Variants in DIP2A observed in about 807,000 individuals in gnomAD.
DIP2A encodes the protein disco-interacting protein 2 homolog A.
Under a neutral mutation model 177.4 loss-of-function variants are expected in DIP2A, and 85 were observed. The ratio of observed to expected loss-of-function variants is 0.48; its 90% CI spans 0.40 to 0.57. DIP2A has a LOEUF of 0.57. DIP2A is among the 20% of genes least tolerant of loss of function. DIP2A has a pLI of 0.00. For synonymous variants in DIP2A, 886 were observed against 881.8 expected (o/e 1.00, Z -0.08); for missense variants, 1,791 against 2,100.2 (o/e 0.85, Z 2.88).
intron 5 of DIP2A, among the ~76,000 whole-genome samples, chr21:46,501,560 T>C (rs2057652139): frequency 6.6e-6 from 1 of 152,174 alleles, no homozygotes; most frequent in African/African-American, 2.4e-5. Flanking sequence ...GCTGGGACTA[T>C]AGGCAAATGC....
chr21:46,523,393 ATTTTTTTT>A (rs61370008), intron 8 of DIP2A, among the ~76,000 whole-genome samples: 13 of 89,892 alleles, frequency 1.4e-4, no homozygotes, highest in Admixed American at 6.1e-4. Flanking sequence ...CGCCTGGCTA[ATTTTTTTT>A]TTTTTTTTTT....
intron 13 of DIP2A, among the ~76,000 whole-genome samples, chr21:46,535,953 C>G (rs530852424): frequency 6.6e-6 from 1 of 152,220 alleles, no homozygotes; most frequent in Admixed American, 6.5e-5. Context: ...GAGTGGGGAA[C>G]CACCAGCTTG....
intron 17 of DIP2A, among the ~76,000 whole-genome samples, chr21:46,541,168 G>A (rs1358010349): frequency 2.6e-5 from 4 of 152,032 alleles, no homozygotes; most frequent in Non-Finnish European, 4.4e-5. Flanking sequence ...TGGAGGAAAC[G>A]CCTGTTGCTC....
At chr21:46,550,232 C>T in intron 22 of DIP2A, 2 of 645,850 alleles carry the variant, frequency 3.1e-6, no homozygotes, top group Non-Finnish European at 5.1e-6. Flanking sequence ...AAACTTTCCT[C>T]CTCCTGTCTA....
intron 1 of DIP2A, among the ~76,000 whole-genome samples, chr21:46,465,749 A>T (rs895503434): frequency 6.7e-6 from 1 of 149,108 alleles, no homozygotes; most frequent in Admixed American, 6.7e-5. Flanking sequence ...AGTAAAAATT[A>T]AAAAAAAAAA....
At chr21:46,525,246 A>G (rs557788096) in intron 8 of DIP2A, among the ~76,000 whole-genome samples, 82 of 152,250 alleles carry the variant, frequency 5.4e-4, no homozygotes, top group African/African-American at 1.9e-3. Context: ...TCAAAACATT[A>G]TTCCATTAAT....
intron 9 of DIP2A, among the ~76,000 whole-genome samples, chr21:46,531,072 A>G (rs1408514599): frequency 1.3e-5 from 2 of 152,108 alleles, no homozygotes; most frequent in Non-Finnish European, 2.9e-5. Flanking sequence ...CACATGAGTG[A>G]GTGAGTGAGT....
chr21:46,535,749 A>G (rs7283532), intron 13 of DIP2A, among the ~76,000 whole-genome samples: 44,892 of 152,114 alleles, frequency 0.3, 7,010 homozygotes, highest in Middle Eastern at 0.38. Flanking sequence ...CTTTGTCTTC[A>G]GCTCAGAGCT....
intron 33 of DIP2A, chr21:46,561,069 C>T: frequency 1.1e-6 from 1 of 941,578 alleles, no homozygotes. Flanking sequence ...AGTTAACATC[C>T]CTTTATCTGT....
Position 46,563,795 on chromosome 21 carries a change from C to G in DIP2A, c.4090-63C>G, listed in dbSNP as rs1316676053. ...TCTGAGGGACGTTATTTTAATGTCA[C>G]TGAATCAAGAGAGTCTCGTGTCATG... On this transcript the variant is annotated intron_variant, in intron 34 of 37. Transcript: ENST00000417564. This position sits in a 1 kb window ranked among gnomAD's most constrained non-coding sequence, Gnocchi z 4.3. 6.3e-7 allele frequency: 1 copy of G among 1,586,130 alleles called. No individual in the cohort carries two copies. The highest frequency in any genetic ancestry group is 8.6e-7 in the Non-Finnish European group (1 of 1,166,422).
At chr21:46,515,110 G>A (rs1280966544) in intron 8 of DIP2A, among the ~76,000 whole-genome samples, 1 of 152,226 alleles carries the variant, frequency 6.6e-6, no homozygotes, top group Admixed American at 6.5e-5. Flanking sequence ...CTTTAAGAAA[G>A]GAGCCCATTG....
intron 13 of DIP2A, among the ~76,000 whole-genome samples, chr21:46,536,492 C>T (rs878876950): frequency 6.6e-6 from 1 of 152,204 alleles, no homozygotes; most frequent in Non-Finnish European, 1.5e-5. Context: ...ATCACGGCCT[C>T]TGGGTGTGAG....
At position 46,464,844 on chromosome 21, in the gene DIP2A, T is replaced by TTTTTTCTTCCC. The variant is rs58546395; in HGVS notation, c.91+5622_91+5623insTTTTTCTTCCC. On this transcript the variant is annotated intron_variant, in intron 1 of 37. Transcript: ENST00000417564. Reference sequence around the variant, plus strand: ...TTTTTTTTTTTTTTTTTTTTTTTTTTCAAGAAAACACACAACAAATGTCAG... The same window carrying TTTTTTCTTCCC: ...TTTTTTTTTTTTTTTTTTTTTTTTTTTTTTTCTTCCCCAAGAAAACACACAACAAATGTCAG... Among the ~76,000 whole-genome samples, 2 of 111,218 alleles carry TTTTTTCTTCCC rather than the reference T, an allele frequency of 1.8e-5. 1 individual carries two copies. Among genetic ancestry groups the TTTTTTCTTCCC allele is most frequent in the African/African-American group, 8.4e-5 (2 of 23,948 alleles). 73.0% of individuals were successfully genotyped at this position (111,218 alleles called of 152,430 possible).
chr21:46,464,963 A>G (rs1433306104), intron 1 of DIP2A, among the ~76,000 whole-genome samples: 1 of 151,784 alleles, frequency 6.6e-6, no homozygotes, highest in Non-Finnish European at 1.5e-5. Context: ...ATTCTTCTGA[A>G]CACAATTCAG....
At chr21:46,536,632 G>A (rs796732927) in intron 13 of DIP2A, among the ~76,000 whole-genome samples, 33 of 152,282 alleles carry the variant, frequency 2.2e-4, no homozygotes, top group African/African-American at 7.5e-4. Context: ...GGCCGAGTGC[G>A]GTGACTTACA....
intron 1 of DIP2A, among the ~76,000 whole-genome samples, chr21:46,478,049 ACTTG>A (rs1270424340): frequency 5.3e-5 from 8 of 152,116 alleles, no homozygotes; most frequent in African/African-American, 1.4e-4. Flanking sequence ...GTGTTGTTCT[ACTTG>A]CTTATCTTAG....
At chr21:46,518,000 A>C (rs1171401429) in intron 8 of DIP2A, among the ~76,000 whole-genome samples, 1 of 152,262 alleles carries the variant, frequency 6.6e-6, no homozygotes, top group Non-Finnish European at 1.5e-5. Flanking sequence ...CATCTTAGGC[A>C]GGAGTGCTGG....
At chr21:46,540,806 G>A (rs981898640) in intron 17 of DIP2A, among the ~76,000 whole-genome samples, 6 of 152,078 alleles carry the variant, frequency 3.9e-5, no homozygotes, top group Non-Finnish European at 8.8e-5. Context: ...CTTAGGTTAG[G>A]AGTTCGAGAC....
At chr21:46,577,717 T>C in the DIP2A span, among the ~76,000 whole-genome samples, 4 of 152,314 alleles carry the variant, frequency 2.6e-5, no homozygotes, top group African/African-American at 9.6e-5. Context: ...TATACATTAC[T>C]TTGGGGAGTA....
Sources: gnomAD v4.1 joint callset for allele counts (sites outside exome capture counted in the v4.1 genomes callset) on GRCh38, gnomAD v4.1.1 for gene constraint, Gnocchi (gnomAD v3.1) non-coding constraint, MANE v1.5 for transcripts, NCBI Gene and HGNC (gene_info 2026-07-23, HGNC 2026-07-21) for gene names.